Variants in TMEM70 observed in about 807,000 individuals in gnomAD.
TMEM70 encodes transmembrane protein 70, mitochondrial.
TMEM70 carries 15 observed loss-of-function variants against 20.5 expected under a neutral mutation model. The observed-to-expected ratio is 0.73, with a 90% confidence interval of 0.49 to 1.13. TMEM70 has a LOEUF of 1.13. TMEM70 is among the 50% of genes most tolerant of loss of function. The pLI is 0.00. For synonymous variants in TMEM70, 141 were observed against 134.2 expected (o/e 1.05, Z -0.35); for missense variants, 344 against 331.7 (o/e 1.04, Z -0.29).
Position 73,976,436 on chromosome 8 carries a change from G to C in TMEM70, c.155G>C (p.Trp52Ser), listed in dbSNP as rs1336441908. 1 of 1,570,462 alleles carries C rather than the reference G, an allele frequency of 6.4e-7. No homozygotes were observed. The highest frequency in any genetic ancestry group is 1.8e-5 in the Admixed American group (1 of 54,436). ...GGGCCTTCGGGGCCGGTAGCCGGCTGGAGTACGGGGCCTTCGGGAGCCGCG... is the reference window on the plus strand; with the variant it reads ...GGGCCTTCGGGGCCGGTAGCCGGCTCGAGTACGGGGCCTTCGGGAGCCGCG... ...SSGPSGPVAG[W>S]STGPSGAARL... Residue 52 changes from tryptophan to serine, a missense_variant, in exon 1 of 3, where the codon TGG becomes TCG. Trp to Ser is a radical substitution (Grantham distance 177). Coordinates refer to ENST00000312184, the MANE Select transcript of TMEM70 (RefSeq NM_017866.6).
At chr8:73,978,602 A>G in intron 1 of TMEM70, 154 bp from the exon 2 acceptor site, 1 of 693,826 alleles carries the variant, frequency 1.4e-6, no homozygotes, top group Admixed American at 2.5e-5. Flanking sequence ...AGGCAGGAGA[A>G]TTGCTTGAAC....
rs1278468701 is a variant in TMEM70 at position 73,981,773 on chromosome 8, AAAAC to A, written c.*155_*158del. 3 of 767,944 alleles carry A rather than the reference AAAAC, an allele frequency of 3.9e-6. No homozygotes were observed. The South Asian group carries it at 4.4e-5, about 11-fold the overall frequency. 47.6% of individuals were successfully genotyped at this position (767,944 alleles called of 1,614,324 possible). ...CCAGAGAATGATGTTTGTTTATAAT[AAAAC>A]AAGCTATGTTTGAAAACCAAAATGT... On this transcript the variant is annotated 3_prime_UTR_variant, in exon 3 of 3. Coordinates refer to ENST00000312184, the MANE Select transcript of TMEM70 (RefSeq NM_017866.6).
intron 1 of TMEM70, among the ~76,000 whole-genome samples, chr8:73,978,535 C>T (rs1330756700): frequency 4.0e-5 from 6 of 151,518 alleles, no homozygotes; most frequent in Non-Finnish European, 8.8e-5. Context: ...AATAAAAATA[C>T]AGAAATTAGC....
Position 73,982,328 on chromosome 8 carries a change from G to A in TMEM70, c.*707G>A, listed in dbSNP as rs757867007. ...GAGAATCACTACAAGAAAAACTTAC[G>A]GTGAAGGTTCTAAGGCATGGGATCG... is the stretch of plus-strand genomic sequence containing the variant. On this transcript the variant is annotated 3_prime_UTR_variant, in exon 3 of 3. Transcript: ENST00000312184. 1.5e-5 allele frequency: 10 copies of A among 671,116 alleles called. No individual in the cohort carries two copies. The highest frequency in any genetic ancestry group is 7.0e-5 in the African/African-American group (4 of 57,028). 41.6% of individuals were successfully genotyped at this position (671,116 alleles called of 1,614,324 possible). A position where few individuals can be genotyped will look rare whatever the true frequency, so the allele number is the denominator to read the frequency against.
chr8:73,978,989 ATT>A, intron 2 of TMEM70, 128 bp downstream of exon 2: 2 of 1,193,892 alleles, frequency 1.7e-6, no homozygotes, highest in Non-Finnish European at 1.2e-6. Flanking sequence ...TTAGATTTTC[ATT>A]TTTTTTTCTT....
chr8:73,980,671 C>T lies in TMEM70; in HGVS notation c.317-484C>T, dbSNP rs368327998. 1.7e-4 allele frequency among the ~76,000 whole-genome samples: 26 copies of T among 152,214 alleles called. No homozygotes were observed. The East Asian group carries it at 3.3e-3, about 19-fold the overall frequency. On this transcript the variant is annotated intron_variant, in intron 2 of 2. Transcript: ENST00000312184. ...GCATGAGCCAATGCGCCTGGCCGTC[C>T]GATATGTTTTTTAACCACTGGTTTT...
At chr8:73,978,698 A>C (rs1815713204) in intron 1 of TMEM70, 58 bp from the exon 2 acceptor site, 4 of 1,591,502 alleles carry the variant, frequency 2.5e-6, no homozygotes, top group Admixed American at 3.4e-5. Context: ...GTCTCAAAAA[A>C]AAAAACTTAA....
intron 2 of TMEM70, among the ~76,000 whole-genome samples, chr8:73,979,910 A>T (rs985438731): frequency 6.6e-6 from 1 of 152,080 alleles, no homozygotes; most frequent in Non-Finnish European, 1.5e-5. Flanking sequence ...TTTTGTAGAG[A>T]CAGGTCTTCC....
At chr8:73,977,879 CTG>C (rs1290467003) in intron 1 of TMEM70, among the ~76,000 whole-genome samples, 1 of 152,118 alleles carries the variant, frequency 6.6e-6, no homozygotes, top group African/African-American at 2.4e-5. Flanking sequence ...GTAGAAGAAA[CTG>C]TTACTATTTT....
Position 73,976,205 on chromosome 8 carries a change from C to G in TMEM70, c.-77C>G. 1 of 1,373,866 alleles carries G rather than the reference C, an allele frequency of 7.3e-7. No homozygotes were observed. Among genetic ancestry groups the G allele is most frequent in the Non-Finnish European group, 1.0e-6 (1 of 993,682 alleles). The allele number at this position is 1,373,866 out of a possible 1,614,324, so 85.1% of individuals were successfully genotyped here. On this transcript the variant is annotated 5_prime_UTR_variant, in exon 1 of 3. Transcript: ENST00000312184. ...GGCTGGGCATGCGCCACTTGTGCGGCAGTCGGGTGGGAAGCCGTGTCTCGC... is the reference window on the plus strand; with the variant it reads ...GGCTGGGCATGCGCCACTTGTGCGGGAGTCGGGTGGGAAGCCGTGTCTCGC...
In TMEM70 at chr8:73,981,710, T is replaced by G. The variant is rs759296507; in HGVS notation, c.*89T>G. On this transcript the variant is annotated 3_prime_UTR_variant, in exon 3 of 3. Coordinates refer to ENST00000312184, the MANE Select transcript of TMEM70 (RefSeq NM_017866.6). ...CTTTTGCATTCCGTTAGTGACTGAT[T>G]GTTAAAAATAATTTGAAATTATCAA... is the stretch of plus-strand genomic sequence containing the variant. 13 of 873,358 alleles carry G rather than the reference T, an allele frequency of 1.5e-5. No individual in the cohort carries two copies. The African/African-American group carries it at 1.9e-4, about 12-fold the overall frequency. The allele number at this position is 873,358 out of a possible 1,614,324, so 54.1% of individuals were successfully genotyped here.
At chr8:73,979,144 C>G (rs1336571382) in intron 2 of TMEM70, 3 of 505,530 alleles carry the variant, frequency 5.9e-6, no homozygotes, top group African/African-American at 1.9e-5. Context: ...AGCGATTCTC[C>G]TGGCTCAGCC....
intron 1 of TMEM70, among the ~76,000 whole-genome samples, chr8:73,976,932 A>G (rs921952524): frequency 6.6e-6 from 1 of 152,204 alleles, no homozygotes; most frequent in African/African-American, 2.4e-5. Context: ...GGGGATGCAG[A>G]TGTTAATTCT....
chr8:73,976,438 A>T lies in TMEM70; in HGVS notation c.157A>T (p.Ser53Cys). Residue 53 changes from serine to cysteine, a missense_variant, in exon 1 of 3, where the codon AGT (serine) becomes TGT (cysteine). Transcript: ENST00000312184. ...GCCTTCGGGGCCGGTAGCCGGCTGG[A>T]GTACGGGGCCTTCGGGAGCCGCGCG... Reference protein sequence around the residue: ...SGPSGPVAGWSTGPSGAARLL... With the variant: ...SGPSGPVAGWCTGPSGAARLL... 1 of 1,568,774 alleles carries T rather than the reference A, an allele frequency of 6.4e-7. No individual in the cohort carries two copies. The highest frequency in any genetic ancestry group is 1.8e-5 in the Admixed American group (1 of 54,266).
Position 73,982,393 on chromosome 8 carries a change from C to A in TMEM70, c.*772C>A. ...TCCACAAGCGACTCATTGACTTGCG[C>A]AGTCCTCAGATAGTTAAGCAGATTA... On this transcript the variant is annotated 3_prime_UTR_variant, in exon 3 of 3. Transcript: ENST00000312184. The A allele has an allele frequency of 1.3e-6, 1 of 761,696 alleles. No homozygotes were observed. The highest frequency in any genetic ancestry group is 2.3e-6 in the Non-Finnish European group (1 of 437,242). The allele number at this position is 761,696 out of a possible 1,614,324, so 47.2% of individuals were successfully genotyped here.
chr8:73,979,474 A>G (rs952521524), intron 2 of TMEM70, among the ~76,000 whole-genome samples: 1 of 152,126 alleles, frequency 6.6e-6, no homozygotes, highest in Non-Finnish European at 1.5e-5. Flanking sequence ...GGTATTTTTT[A>G]TTAGGATCGT....
At chr8:73,977,057 A>G (rs1034554100) in intron 1 of TMEM70, among the ~76,000 whole-genome samples, 1 of 152,258 alleles carries the variant, frequency 6.6e-6, no homozygotes, top group East Asian at 1.9e-4. Flanking sequence ...ATCTAATTAC[A>G]TTTCAGCATT....
Position 73,981,348 on chromosome 8 carries a change from G to A in TMEM70, c.510G>A (p.Leu170=). ...TTACAAAAGGCTATGTCATTCGATT[G>A]TACCATGAGGCCACAACAGACACTT... ...HFITKGYVIR[L]YHEATTDTYK... is the part of the protein sequence containing the mutation. Residue 170 remains leucine, a synonymous_variant, in exon 3 of 3, where the codon TTG becomes TTA. Transcript: ENST00000312184. 1 of 1,614,178 alleles carries A rather than the reference G, an allele frequency of 6.2e-7. No homozygotes were observed. Among genetic ancestry groups the A allele is most frequent in the Non-Finnish European group, 8.5e-7 (1 of 1,180,038 alleles).
intron 2 of TMEM70, among the ~76,000 whole-genome samples, chr8:73,979,904 G>T (rs999553293): frequency 6.6e-6 from 1 of 151,780 alleles, no homozygotes; most frequent in African/African-American, 2.4e-5. Flanking sequence ...AATTTTTTTT[G>T]TAGAGACAGG....
Sources: allele counts gnomAD v4.1 joint callset (sites outside exome capture counted in the v4.1 genomes callset), GRCh38; gene constraint gnomAD v4.1.1; transcripts MANE v1.5; gene names NCBI Gene and HGNC (gene_info 2026-07-23, HGNC 2026-07-21).